The following KIF13B variants were observed in gnomAD, a reference collection of about 807,000 sequenced individuals.
KIF13B encodes kinesin family member 13B, also known as kinesin-like protein KIF13B.
A neutral mutation model predicts 222.0 loss-of-function variants in KIF13B; 127 were observed. That is an observed-to-expected ratio of 0.57 (90% CI 0.50 to 0.66). The LOEUF (loss-of-function observed/expected upper bound fraction) is 0.66. Ranked by LOEUF, KIF13B falls within the 30% of genes least tolerant of loss-of-function variation. KIF13B has a pLI of 0.00. For missense variants in KIF13B, 2,173 were observed against 2,379.0 expected (o/e 0.91, Z 1.80); for synonymous variants, 976 against 919.0 (o/e 1.06, Z -1.12).
intron 14 of KIF13B, 53 bp from the exon 15 acceptor site, chr8:29,150,436 G>A (rs2130018549): frequency 1.2e-6 from 1 of 857,874 alleles, no homozygotes; most frequent in East Asian, 2.6e-5. Flanking sequence ...CATGTCTTCT[G>A]CTTTAATTTC....
chr8:29,195,073 C>T (rs951489639), intron 3 of KIF13B, among the ~76,000 whole-genome samples: 1 of 152,046 alleles, frequency 6.6e-6, no homozygotes, highest in African/African-American at 2.4e-5. Context: ...CATGGTGAAA[C>T]CCCGTCTCTA....
intron 1 of KIF13B, among the ~76,000 whole-genome samples, chr8:29,248,258 A>G (rs986395616): frequency 6.6e-6 from 1 of 152,242 alleles, no homozygotes; most frequent in Non-Finnish European, 1.5e-5. Flanking sequence ...TTGGATACTC[A>G]TAACAGCCAA....
At chr8:29,227,145 G>A (rs1815062082) in intron 2 of KIF13B, among the ~76,000 whole-genome samples, 12 of 152,096 alleles carry the variant, frequency 7.9e-5, no homozygotes. Flanking sequence ...ATTCAATAAG[G>A]TAGTTAACCT....
intron 37 of KIF13B, among the ~76,000 whole-genome samples, chr8:29,087,768 C>T (rs1054653022): frequency 1.3e-5 from 2 of 152,118 alleles, no homozygotes; most frequent in South Asian, 2.1e-4. Flanking sequence ...AATGACGAAG[C>T]GTTTCCCAGA....
At chr8:29,195,472 T>C (rs986630128) in intron 3 of KIF13B, among the ~76,000 whole-genome samples, 1 of 152,184 alleles carries the variant, frequency 6.6e-6, no homozygotes, top group African/African-American at 2.4e-5. Context: ...CAAACAGCCA[T>C]GTCTATAATA....
At chr8:29,147,282 T>G in intron 17 of KIF13B, 110 bp downstream of exon 17, 1 of 805,238 alleles carries the variant, frequency 1.2e-6, no homozygotes, top group South Asian at 1.8e-5. Context: ...TCTTTTAACA[T>G]AATTCTTTTG....
At chr8:29,208,872 A>G (rs1445901826) in intron 2 of KIF13B, among the ~76,000 whole-genome samples, 8 of 152,180 alleles carry the variant, frequency 5.3e-5, no homozygotes, top group Non-Finnish European at 1.2e-4. Flanking sequence ...TCGTCTCAGA[A>G]AACCCTCGAA....
intron 10 of KIF13B, among the ~76,000 whole-genome samples, chr8:29,173,816 C>T (rs1277607267): frequency 1.3e-5 from 2 of 151,562 alleles, no homozygotes; most frequent in African/African-American, 4.9e-5. Context: ...TGGCGGTGCG[C>T]ACCTGTAATC....
At chr8:29,084,136 T>C (rs980884115) in intron 37 of KIF13B, among the ~76,000 whole-genome samples, 1 of 152,158 alleles carries the variant, frequency 6.6e-6, no homozygotes, top group Non-Finnish European at 1.5e-5. Flanking sequence ...CAGGCTGGTC[T>C]CAAACTCCTG....
rs769614957 is a variant in KIF13B at position 29,148,743 on chromosome 8, C to A, written c.1647G>T (p.Lys549Asn). The change falls in exon 16 of 40, where the codon AAG becomes AAT. Residue 549 changes from lysine (K) to asparagine (N), a missense_variant. Physicochemically the swap from Lys to Asn is moderately conservative, Grantham distance 94. Coordinates refer to ENST00000524189, the MANE Select transcript of KIF13B (RefSeq NM_015254.4). Reference protein sequence around the residue: ...FFRLNLPKKKKKAEREDEDQD... With the variant: ...FFRLNLPKKKNKAEREDEDQD... ...GGTCCTCATCCTCTCGTTCTGCTTT[C>A]TTTTTCTTTTTAGGCAAATTGAGTC... is the stretch of plus-strand genomic sequence containing the variant. 8.8e-6 allele frequency: 14 copies of A among 1,595,408 alleles called. No homozygotes were observed. Among genetic ancestry groups the A allele is most frequent in the Non-Finnish European group, 1.1e-5 (13 of 1,172,078 alleles).
chr8:29,190,856 C>T, intron 4 of KIF13B, 141 bp downstream of exon 4: 1 of 759,774 alleles, frequency 1.3e-6, no homozygotes, highest in East Asian at 2.5e-5. Flanking sequence ...AAGTCATCTT[C>T]TGTGTTGATG....
intron 1 of KIF13B, among the ~76,000 whole-genome samples, chr8:29,249,711 G>A (rs971436325): frequency 5.3e-5 from 8 of 152,058 alleles, no homozygotes; most frequent in South Asian, 2.1e-4. Flanking sequence ...TCTCAAATAC[G>A]TATTCAAAAA....
At chr8:29,153,594 T>A (rs1811392357) in intron 14 of KIF13B, among the ~76,000 whole-genome samples, 1 of 151,970 alleles carries the variant, frequency 6.6e-6, no homozygotes, top group African/African-American at 2.4e-5. Flanking sequence ...AGGACTCGTT[T>A]ATTAAGATAC....
intron 38 of KIF13B, among the ~76,000 whole-genome samples, chr8:29,074,308 GA>G (rs1275542035): frequency 6.6e-6 from 1 of 152,242 alleles, no homozygotes; most frequent in African/African-American, 2.4e-5. Flanking sequence ...TGCACTAAGT[GA>G]AAAGGCAGGC....
At chr8:29,260,196 G>A (rs532663222) in intron 1 of KIF13B, among the ~76,000 whole-genome samples, 82 of 152,238 alleles carry the variant, frequency 5.4e-4, no homozygotes, top group African/African-American at 1.4e-3. Flanking sequence ...CTCTCACTTC[G>A]AGGATAACTG....
chr8:29,255,875 C>A (rs1488226724), intron 1 of KIF13B, among the ~76,000 whole-genome samples: 1 of 152,168 alleles, frequency 6.6e-6, no homozygotes, highest in African/African-American at 2.4e-5. Flanking sequence ...CCTCCCTAGG[C>A]ATCCACAACA....
At chr8:29,235,030 C>T (rs1815445857) in intron 2 of KIF13B, among the ~76,000 whole-genome samples, 1 of 151,944 alleles carries the variant, frequency 6.6e-6, no homozygotes, top group Non-Finnish European at 1.5e-5. Flanking sequence ...TATGCAATCT[C>T]TAATCTACAC....
chr8:29,086,306 G>A (rs1232972589), intron 37 of KIF13B, among the ~76,000 whole-genome samples: 2 of 152,126 alleles, frequency 1.3e-5, no homozygotes, highest in East Asian at 3.9e-4. Flanking sequence ...AAGCTAAACT[G>A]GAATAAAAAC....
At chr8:29,169,998 A>C (rs1204666018) in intron 10 of KIF13B, among the ~76,000 whole-genome samples, 1 of 152,244 alleles carries the variant, frequency 6.6e-6, no homozygotes, top group Admixed American at 6.5e-5. Context: ...GAAACCTGGC[A>C]AACAACAAAT....
Sources: gnomAD v4.1 joint callset for allele counts (sites outside exome capture counted in the v4.1 genomes callset) on GRCh38, gnomAD v4.1.1 for gene constraint, MANE v1.5 for transcripts, NCBI Gene and HGNC (gene_info 2026-07-23, HGNC 2026-07-21) for gene names.